Variants in SLC30A8 observed in about 807,000 individuals in gnomAD.
SLC30A8 encodes the protein proton-coupled zinc antiporter SLC30A8.
In SLC30A8, 27 loss-of-function variants were observed where a neutral mutation model predicts 36.9. The observed-to-expected ratio is 0.73, with a 90% CI of 0.54 to 1.01. The LOEUF is 1.01. Ranked by LOEUF, SLC30A8 falls within the 50% of genes least tolerant of loss-of-function variation. SLC30A8 has a pLI of 0.00. For synonymous variants in SLC30A8, 164 were observed against 172.4 expected (o/e 0.95, Z 0.38); for missense variants, 439 against 452.0 (o/e 0.97, Z 0.26).
chr8:117,082,007 G>A (rs1254825743), intron 2 of SLC30A8, among the ~76,000 whole-genome samples: 3 of 152,188 alleles, frequency 2.0e-5, no homozygotes, highest in African/African-American at 2.4e-5. Flanking sequence ...TGGGTCAGAA[G>A]TCATTTAGTT....
chr8:117,000,125 C>T (rs999302545), intron 1 of SLC30A8, among the ~76,000 whole-genome samples: 5 of 152,148 alleles, frequency 3.3e-5, no homozygotes, highest in South Asian at 2.1e-4. Context: ...CTATTTTAAA[C>T]GCTATGAGTC....
intron 1 of SLC30A8, among the ~76,000 whole-genome samples, chr8:116,963,603 G>A (rs901730289): frequency 6.6e-6 from 1 of 152,040 alleles, no homozygotes; most frequent in Non-Finnish European, 1.5e-5. Context: ...TTCTTTTTAT[G>A]GCTGAATAAT....
chr8:116,989,691 C>T (rs55853034), intron 1 of SLC30A8, among the ~76,000 whole-genome samples: 53 of 152,206 alleles, frequency 3.5e-4, no homozygotes, highest in South Asian at 4.1e-4. Flanking sequence ...CAGTAGGACA[C>T]GAAGTTGTAT....
At chr8:117,090,900 G>C (rs1819091010) in intron 2 of SLC30A8, among the ~76,000 whole-genome samples, 1 of 151,920 alleles carries the variant, frequency 6.6e-6, no homozygotes, top group Admixed American at 6.6e-5. Context: ...ATGTCTTATT[G>C]GTTTTATTGT....
chr8:117,074,488 C>A (rs1818429699), intron 2 of SLC30A8, among the ~76,000 whole-genome samples: 1 of 152,160 alleles, frequency 6.6e-6, no homozygotes, highest in African/African-American at 2.4e-5. Context: ...AAAATTGCTA[C>A]ATGCTATACA....
At chr8:117,067,548 A>G (rs1818206679) in intron 2 of SLC30A8, among the ~76,000 whole-genome samples, 1 of 152,178 alleles carries the variant, frequency 6.6e-6, no homozygotes, top group Admixed American at 6.5e-5. Flanking sequence ...ACGAGAATCC[A>G]TCTTGAAAAC....
chr8:117,021,078 C>G (rs1049350835), intron 1 of SLC30A8, among the ~76,000 whole-genome samples: 3 of 152,050 alleles, frequency 2.0e-5, no homozygotes. Flanking sequence ...TTTTTATGGT[C>G]CAAGGGCTAA....
At chr8:117,089,290 G>T (rs952581143) in intron 2 of SLC30A8, among the ~76,000 whole-genome samples, 10 of 151,914 alleles carry the variant, frequency 6.6e-5, no homozygotes, top group African/African-American at 2.4e-4. Flanking sequence ...TTATATAACT[G>T]ACAAACTACC....
chr8:117,083,306 T>G (rs1183535306), intron 2 of SLC30A8, among the ~76,000 whole-genome samples: 1 of 152,136 alleles, frequency 6.6e-6, no homozygotes. Context: ...TGCTGACAGC[T>G]CTCAGCTGAG....
At chr8:117,046,935 G>A (rs1817571081) in intron 2 of SLC30A8, among the ~76,000 whole-genome samples, 1 of 152,084 alleles carries the variant, frequency 6.6e-6, no homozygotes, top group African/African-American at 2.4e-5. Flanking sequence ...AAATTCCAAA[G>A]AGAAGAATTT....
intron 2 of SLC30A8, among the ~76,000 whole-genome samples, chr8:117,046,788 A>G (rs1304984670): frequency 1.3e-5 from 2 of 152,134 alleles, no homozygotes; most frequent in South Asian, 2.1e-4. Context: ...TTTCCACTCT[A>G]CGGATTTCCT....
chr8:117,014,540 T>C (rs1045309574), intron 1 of SLC30A8, among the ~76,000 whole-genome samples: 18 of 152,164 alleles, frequency 1.2e-4, no homozygotes, highest in Non-Finnish European at 2.4e-4. Flanking sequence ...TATAGGATGG[T>C]CTTTTTAGGT....
chr8:117,164,458 C>T (rs1211829964), intron 6 of SLC30A8, among the ~76,000 whole-genome samples: 2 of 152,054 alleles, frequency 1.3e-5, no homozygotes, highest in Non-Finnish European at 2.9e-5. Context: ...CCTGTAGTCC[C>T]AGCTAGTCAG....
Position 117,105,524 on chromosome 8 carries a change from ATTTAT to A in SLC30A8, c.-225-29751_-225-29747del, listed in dbSNP as rs1819955667. On this transcript the variant is annotated intron_variant, in intron 2 of 10. Coordinates refer to the SLC30A8 transcript ENST00000427715. ...GTATATTAACGAATACGCATACATG[ATTTAT>A]TTTAAGAAATTGGTTCGTAAGATTG... Among the ~76,000 whole-genome samples, 7 of 152,238 alleles carry A rather than the reference ATTTAT, an allele frequency of 4.6e-5. No individual in the cohort carries two copies. The South Asian group carries it at 1.5e-3, about 32-fold the overall frequency.
At chr8:116,957,851 A>G (rs1814270453) in intron 1 of SLC30A8, among the ~76,000 whole-genome samples, 1 of 152,128 alleles carries the variant, frequency 6.6e-6, no homozygotes, top group Non-Finnish European at 1.5e-5. Flanking sequence ...TGGGCAACCA[A>G]AAATCAATAG....
chr8:117,077,950 G>T (rs948116368), intron 2 of SLC30A8, among the ~76,000 whole-genome samples: 7 of 152,170 alleles, frequency 4.6e-5, no homozygotes, highest in Non-Finnish European at 1.0e-4. Flanking sequence ...TCGTGGCACG[G>T]ATTGATATTG....
intron 1 of SLC30A8, among the ~76,000 whole-genome samples, chr8:116,983,986 C>A (rs2130648510): frequency 6.6e-6 from 1 of 152,278 alleles, no homozygotes; most frequent in Middle Eastern, 3.4e-3. Flanking sequence ...CAGCCATACC[C>A]ACCCTCTTTC....
At chr8:116,951,525 A>G (rs1348546927) in intron 1 of SLC30A8, among the ~76,000 whole-genome samples, 1 of 152,158 alleles carries the variant, frequency 6.6e-6, no homozygotes, top group Admixed American at 6.5e-5. Flanking sequence ...TTACTCCCTT[A>G]GCACTCAAGT....
intron 1 of SLC30A8, among the ~76,000 whole-genome samples, chr8:116,998,161 A>G (rs1815882834): frequency 6.6e-6 from 1 of 152,198 alleles, no homozygotes; most frequent in Admixed American, 6.5e-5. Context: ...CAAACACATA[A>G]CAATATGAGA....
Sources: gnomAD v4.1 joint callset for allele counts (sites outside exome capture counted in the v4.1 genomes callset) on GRCh38, gnomAD v4.1.1 for gene constraint, MANE v1.5 for transcripts, NCBI Gene and HGNC (gene_info 2026-07-23, HGNC 2026-07-21) for gene names.